TLK2: variants seen among roughly 807,000 people sequenced by gnomAD.
TLK2 encodes the protein serine/threonine-protein kinase tousled-like 2.
In TLK2, 6 loss-of-function variants were observed where a neutral mutation model predicts 117.3. The observed-to-expected ratio is 0.05, with a 90% CI of 0.03 to 0.10. The LOEUF is 0.10. TLK2 is among the 10% of genes least tolerant of loss of function. The pLI, the probability that TLK2 is intolerant of heterozygous loss-of-function variation, is 1.00. For missense variants in TLK2, 299 were observed against 901.2 expected (o/e 0.33, Z 8.56); for synonymous variants, 257 against 316.7 (o/e 0.81, Z 2.00).
intron 2 of TLK2, among the ~76,000 whole-genome samples, chr17:62,481,909 A>C (rs1211376848): frequency 6.6e-6 from 1 of 152,158 alleles, no homozygotes; most frequent in East Asian, 1.9e-4. Flanking sequence ...GTCCAAGATC[A>C]TATTACTTGG....
chr17:62,475,573 C>T (rs921233379), upstream of TLK2, among the ~76,000 whole-genome samples: 2 of 152,052 alleles, frequency 1.3e-5, no homozygotes, highest in African/African-American at 4.8e-5. Context: ...TCTCAATCTC[C>T]TGACCTCGTG....
chr17:62,597,732 G>T (rs1395179512), intron 17 of TLK2, among the ~76,000 whole-genome samples: 1 of 152,174 alleles, frequency 6.6e-6, no homozygotes, highest in African/African-American at 2.4e-5. Flanking sequence ...GGATTTTGAG[G>T]ACCAGAGAAG....
At chr17:62,478,614 G>A (rs2071203222), upstream of TLK2, among the ~76,000 whole-genome samples, 1 of 150,912 alleles carries the variant, frequency 6.6e-6, no homozygotes, top group South Asian at 2.1e-4. Flanking sequence ...CCGGCGCGGG[G>A]TCCCCTGGTT....
chr17:62,614,994 ATGC>A lies in TLK2; in HGVS notation c.*2433_*2435del, dbSNP rs750403098. The A allele has an allele frequency of 1.2e-4, 18 of 152,294 alleles. No individual in the cohort carries two copies. The South Asian group carries it at 2.3e-3, about 19-fold the overall frequency. 9.4% of individuals were successfully genotyped at this position (152,294 alleles called of 1,614,324 possible). A position where few individuals can be genotyped will look rare whatever the true frequency, so the allele number is the denominator to read the frequency against. On this transcript the variant is annotated 3_prime_UTR_variant, in exon 22 of 22. Transcript: ENST00000346027. Reference sequence around the variant, plus strand: ...TTAACATTTTTTTAACGTTGAAAAAATGCTGCGTCTTTCTTTAAGCCTTCCCAG... The same window carrying A: ...TTAACATTTTTTTAACGTTGAAAAAATGCGTCTTTCTTTAAGCCTTCCCAG...
chr17:62,528,282 G>T (rs1233811451), intron 6 of TLK2, among the ~76,000 whole-genome samples: 1 of 152,108 alleles, frequency 6.6e-6, no homozygotes, highest in Non-Finnish European at 1.5e-5. Flanking sequence ...CCCTATAAAA[G>T]ATTATTTTGT....
At chr17:62,568,840 C>T (rs1017213662) in intron 11 of TLK2, among the ~76,000 whole-genome samples, 2 of 152,084 alleles carry the variant, frequency 1.3e-5, no homozygotes, top group East Asian at 3.9e-4. Context: ...CCACCTTGTC[C>T]TCCCAACCAG....
chr17:62,598,260 A>C (rs2082625123), intron 17 of TLK2, among the ~76,000 whole-genome samples: 1 of 152,208 alleles, frequency 6.6e-6, no homozygotes, highest in Non-Finnish European at 1.5e-5. Flanking sequence ...CCCTCTCTGA[A>C]CTATTAAGTT....
In TLK2 at chr17:62,520,217, A is replaced by G. The variant is rs375475751; in HGVS notation, c.82-556A>G. 3.4e-3 allele frequency among the ~76,000 whole-genome samples: 523 copies of G among 152,210 alleles called. 6 individuals are homozygous for G. The highest frequency in any genetic ancestry group is 0.012 in the African/African-American group (508 of 41,542). On this transcript the variant is annotated intron_variant, in intron 2 of 21. Transcript: ENST00000346027. ...TGGGAGAGAGGGTCGTTGGATTCCC[A>G]GTATTCTCAGTGTGTCATGCCTATG...
chr17:62,502,094 AC>A (rs2074255969), intron 2 of TLK2, among the ~76,000 whole-genome samples: 1 of 149,284 alleles, frequency 6.7e-6, no homozygotes, highest in African/African-American at 2.5e-5. Context: ...TTGATACCAA[AC>A]CAGACCAAGA....
Position 62,612,770 on chromosome 17 carries a change from G to T in TLK2, c.*205G>T. On this transcript the variant is annotated 3_prime_UTR_variant, in exon 22 of 22. Coordinates refer to ENST00000346027, the MANE Select transcript of TLK2 (RefSeq NM_006852.6). ...CCTTGGGCAGCTCCGGCCAGGCCTT[G>T]TAGGAAAAGGCCCCGCCCGAGGTTC... 2 of 417,540 alleles carry T rather than the reference G, an allele frequency of 4.8e-6. No individual in the cohort carries two copies. The highest frequency in any genetic ancestry group is 8.3e-6 in the Non-Finnish European group (2 of 239,768). The allele number at this position is 417,540 out of a possible 1,614,324, so 25.9% of individuals were successfully genotyped here.
chr17:62,566,868 T>C lies in TLK2; in HGVS notation c.968+1731T>C, dbSNP rs147896234. Among the ~76,000 whole-genome samples, 665 of 152,348 alleles carry C rather than the reference T, an allele frequency of 4.4e-3. 5 individuals are homozygous for C. The highest frequency in any genetic ancestry group is 0.015 in the African/African-American group (634 of 41,582). ...GCCCTGTCAATGGCTACTATTTAGA[T>C]AGCAGTCTTTTTAGACTTTGATTCA... On this transcript the variant is annotated intron_variant, in intron 11 of 21. Transcript: ENST00000346027.
intron 7 of TLK2, among the ~76,000 whole-genome samples, chr17:62,538,292 C>T (rs1447558632): frequency 6.6e-6 from 1 of 152,126 alleles, no homozygotes; most frequent in Non-Finnish European, 1.5e-5. Flanking sequence ...GCCTCAGCCT[C>T]CCAAAGTGCT....
chr17:62,586,095 T>C, intron 15 of TLK2, 40 bp from the exon 16 acceptor site: 1 of 1,495,052 alleles, frequency 6.7e-7, no homozygotes. Flanking sequence ...CTGTAATTTT[T>C]CTTAACATTT....
intron 6 of TLK2, among the ~76,000 whole-genome samples, chr17:62,530,841 T>C (rs1161938205): frequency 6.6e-6 from 1 of 152,234 alleles, no homozygotes; most frequent in Non-Finnish European, 1.5e-5. Context: ...TTTATTTTGC[T>C]CTTATTCCTG....
At chr17:62,549,834 G>GTT (rs71155939) in intron 7 of TLK2, 3 of 136,802 alleles carry the variant, frequency 2.2e-5, no homozygotes, top group Non-Finnish European at 3.2e-5. Flanking sequence ...GTTTTGTATT[G>GTT]TTTTTTTTTT....
chr17:62,523,856 A>G (rs1379811098), intron 5 of TLK2, among the ~76,000 whole-genome samples: 1 of 152,208 alleles, frequency 6.6e-6, no homozygotes, highest in Non-Finnish European at 1.5e-5. Flanking sequence ...ACAGTGGAAC[A>G]TGTAGTGAGT....
At chr17:62,511,035 T>C (rs1385558317) in intron 2 of TLK2, among the ~76,000 whole-genome samples, 1 of 152,248 alleles carries the variant, frequency 6.6e-6, no homozygotes, top group African/African-American at 2.4e-5. Context: ...GTTCTGTTCA[T>C]GCACCGTGCA....
intron 13 of TLK2, among the ~76,000 whole-genome samples, chr17:62,577,430 A>G (rs1290101863): frequency 6.6e-6 from 1 of 152,240 alleles, no homozygotes; most frequent in African/African-American, 2.4e-5. Context: ...AATTGATGTG[A>G]AGACTCCTGT....
At chr17:62,559,390 T>G (rs1473489750) in intron 9 of TLK2, among the ~76,000 whole-genome samples, 1 of 151,886 alleles carries the variant, frequency 6.6e-6, no homozygotes, top group African/African-American at 2.4e-5. Context: ...TTTTTATTTT[T>G]TTTTTTGAGA....
Sources: allele counts gnomAD v4.1 joint callset (sites outside exome capture counted in the v4.1 genomes callset), GRCh38; gene constraint gnomAD v4.1.1; transcripts MANE v1.5; gene names NCBI Gene and HGNC (gene_info 2026-07-23, HGNC 2026-07-21).